The following FNDC3A variants were observed in gnomAD, a reference collection of about 807,000 sequenced individuals.
FNDC3A encodes the protein fibronectin type III domain containing 3A.
Under a neutral mutation model 148.9 loss-of-function variants are expected in FNDC3A, and 32 were observed. The ratio of observed to expected loss-of-function variants is 0.21; its 90% CI spans 0.16 to 0.29. FNDC3A has a LOEUF of 0.29. Among genes scored for constraint, FNDC3A ranks in the 10% least tolerant of loss-of-function variants. The probability of loss-of-function intolerance (pLI) is 1.00; values close to 1 mark genes in which losing one functional copy is unlikely to be tolerated. For missense variants in FNDC3A, 1,191 were observed against 1,452.8 expected, an observed-to-expected ratio of 0.82 and a Z score of 2.93; for synonymous variants, 472 against 473.6, an observed-to-expected ratio of 1.00 and a Z score of 0.04.
intron 2 of FNDC3A, among the ~76,000 whole-genome samples, chr13:49,015,816 T>G (rs1176872149): frequency 6.6e-6 from 1 of 151,476 alleles, no homozygotes; most frequent in African/African-American, 2.4e-5. Context: ...GCATGAAGCG[T>G]TGTTGAATTT....
At chr13:49,178,516 C>T (rs1432657564) in intron 13 of FNDC3A, 52 bp from the exon 14 acceptor site, 21 of 1,084,356 alleles carry the variant, frequency 1.9e-5, no homozygotes, top group Admixed American at 1.9e-4. Flanking sequence ...CATTATTGCC[C>T]ATATTTCTAT....
At chr13:49,183,096 A>G (rs1885388038) in intron 14 of FNDC3A, among the ~76,000 whole-genome samples, 1 of 152,138 alleles carries the variant, frequency 6.6e-6, no homozygotes, top group African/African-American at 2.4e-5. Flanking sequence ...AAAATTTACT[A>G]CCTTCCAGTC....
intron 4 of FNDC3A, among the ~76,000 whole-genome samples, chr13:49,118,542 G>A (rs1030583634): frequency 1.3e-5 from 2 of 152,214 alleles, no homozygotes; most frequent in East Asian, 1.9e-4. Context: ...TGAAGTCAGG[G>A]AGCCAAGTGG....
chr13:49,004,051 T>A (rs900794977), intron 1 of FNDC3A, among the ~76,000 whole-genome samples: 1 of 152,178 alleles, frequency 6.6e-6, no homozygotes, highest in Non-Finnish European at 1.5e-5. Context: ...ACTCCATGGA[T>A]GTTAATACAT....
At chr13:49,023,183 T>G (rs1045706712) in intron 2 of FNDC3A, among the ~76,000 whole-genome samples, 1 of 151,992 alleles carries the variant, frequency 6.6e-6, no homozygotes, top group Non-Finnish European at 1.5e-5. Flanking sequence ...TTACAAAGAA[T>G]GCAGACTGGA....
chr13:49,009,808 T>TA (rs1432204779), intron 2 of FNDC3A, among the ~76,000 whole-genome samples: 1 of 152,226 alleles, frequency 6.6e-6, no homozygotes, highest in Non-Finnish European at 1.5e-5. Flanking sequence ...TCTACTTACT[T>TA]ACCTTCCAAA....
intron 8 of FNDC3A, among the ~76,000 whole-genome samples, chr13:49,166,895 CAT>C (rs1397055106): frequency 1.3e-5 from 2 of 152,122 alleles, no homozygotes; most frequent in African/African-American, 2.4e-5. Context: ...TTCAACAGTA[CAT>C]GTTTTATTTA....
intron 3 of FNDC3A, among the ~76,000 whole-genome samples, chr13:49,078,279 A>G (rs1453800318): frequency 6.6e-6 from 1 of 152,212 alleles, no homozygotes; most frequent in Non-Finnish European, 1.5e-5. Context: ...AATTGATTTT[A>G]TATGCGGCAG....
chr13:49,018,074 T>C (rs1469262663), intron 2 of FNDC3A, among the ~76,000 whole-genome samples: 1 of 151,710 alleles, frequency 6.6e-6, no homozygotes, highest in African/African-American at 2.4e-5. Context: ...CTGACAATTA[T>C]GTGTCTTGGA....
At chr13:49,140,143 A>G (rs1478817382) in intron 7 of FNDC3A, among the ~76,000 whole-genome samples, 1 of 152,136 alleles carries the variant, frequency 6.6e-6, no homozygotes, top group Non-Finnish European at 1.5e-5. Context: ...GACCAGCCTG[A>G]GTAATATATT....
intron 2 of FNDC3A, among the ~76,000 whole-genome samples, chr13:49,070,360 A>G (rs934196045): frequency 6.6e-6 from 1 of 152,206 alleles, no homozygotes; most frequent in Non-Finnish European, 1.5e-5. Flanking sequence ...AAAATTAATT[A>G]TAACATTTTA....
intron 2 of FNDC3A, among the ~76,000 whole-genome samples, chr13:49,047,103 A>G (rs1366809464): frequency 1.3e-5 from 2 of 151,798 alleles, no homozygotes; most frequent in Admixed American, 6.6e-5. Context: ...CTTCACTTAG[A>G]ATAATAGTCT....
chr13:49,092,157 T>G (rs1012600789), intron 3 of FNDC3A, among the ~76,000 whole-genome samples: 2 of 152,248 alleles, frequency 1.3e-5, no homozygotes, highest in East Asian at 3.8e-4. Context: ...CTGGGTCATA[T>G]GCCCCAAGTG....
chr13:49,003,288 C>A (rs919648008), intron 1 of FNDC3A, among the ~76,000 whole-genome samples: 21 of 152,124 alleles, frequency 1.4e-4, no homozygotes, highest in African/African-American at 4.8e-4. Context: ...TGGTCTTGAT[C>A]TCCTGACCTC....
intron 2 of FNDC3A, among the ~76,000 whole-genome samples, chr13:49,026,444 A>C (rs1292536884): frequency 6.6e-6 from 1 of 152,258 alleles, no homozygotes; most frequent in African/African-American, 2.4e-5. Context: ...AAAATATTAA[A>C]GACATGCCAT....
chr13:49,010,009 T>G lies in FNDC3A; in HGVS notation c.99+3720T>G, dbSNP rs533146796. On this transcript the variant is annotated intron_variant, in intron 2 of 25. Transcript: ENST00000492622. ...TTAAGAGATGGCACAAAGAGGCTAA[T>G]GCCATTGAAAGAAGATTTTTATTAC... Among the ~76,000 whole-genome samples the G allele has an allele frequency of 2.0e-4, 30 of 152,358 alleles. No homozygotes were observed. The South Asian group carries it at 2.5e-3, about 13-fold the overall frequency.
chr13:49,202,084 AC>A, intron 24 of FNDC3A, 118 bp downstream of exon 24: 7 of 599,948 alleles, frequency 1.2e-5, no homozygotes, highest in Non-Finnish European at 1.6e-5. Flanking sequence ...CACCAGTTAT[AC>A]AAAATCGTAT....
chr13:49,044,263 C>A (rs1875180208), intron 2 of FNDC3A: 2 of 197,150 alleles, frequency 1.0e-5, no homozygotes, highest in South Asian at 2.1e-4. Flanking sequence ...CTCCATTAAG[C>A]TGTGCCTCCT....
At chr13:49,186,816 C>T (rs888881566) in intron 15 of FNDC3A, among the ~76,000 whole-genome samples, 3 of 152,006 alleles carry the variant, frequency 2.0e-5, no homozygotes, top group East Asian at 1.9e-4. Context: ...TGCAGTGAGT[C>T]GAGATTGTAC....
Sources: gnomAD v4.1 joint callset for allele counts (sites outside exome capture counted in the v4.1 genomes callset) on GRCh38, gnomAD v4.1.1 for gene constraint, MANE v1.5 for transcripts, NCBI Gene and HGNC (gene_info 2026-07-23, HGNC 2026-07-21) for gene names.